The following GRM4 variants were observed in gnomAD, a reference collection of about 807,000 sequenced individuals.
GRM4 encodes the protein metabotropic glutamate receptor 4.
GRM4 carries 28 observed loss-of-function variants against 81.7 expected under a neutral mutation model. That is an observed-to-expected ratio of 0.34 (90% CI 0.25 to 0.47). The LOEUF (loss-of-function observed/expected upper bound fraction) is 0.47. Ranked by LOEUF, GRM4 falls within the 20% of genes least tolerant of loss-of-function variation. GRM4 has a pLI of 1.00. For missense variants in GRM4, 948 were observed against 1,290.0 expected, an observed-to-expected ratio of 0.73 and a Z score of 4.06; for synonymous variants, 488 against 528.8, an observed-to-expected ratio of 0.92 and a Z score of 1.06.
chr6:34,023,284 T>G (rs1381409861), intron 10 of GRM4, among the ~76,000 whole-genome samples: 10 of 152,224 alleles, frequency 6.6e-5, no homozygotes, highest in Non-Finnish European at 1.5e-4. Context: ...AAGAAACCTT[T>G]TTTTATGACA....
chr6:34,119,667 A>G (rs1396157439), intron 2 of GRM4, among the ~76,000 whole-genome samples: 6 of 152,202 alleles, frequency 3.9e-5, no homozygotes, highest in Non-Finnish European at 8.8e-5. Flanking sequence ...AGAGACTTCC[A>G]CCGCAGTTCT....
intron 3 of GRM4, among the ~76,000 whole-genome samples, chr6:34,075,992 G>A (rs1187804868): frequency 6.6e-6 from 1 of 152,208 alleles, no homozygotes; most frequent in African/African-American, 2.4e-5. Context: ...CCTGTGTTGG[G>A]GCAGAGAGAG....
chr6:34,046,843 G>C (rs1379573677), intron 6 of GRM4, among the ~76,000 whole-genome samples: 1 of 152,204 alleles, frequency 6.6e-6, no homozygotes, highest in Admixed American at 6.5e-5. Context: ...GAGGTGCCAG[G>C]CACACGAAGG....
chr6:34,020,744 C>T lies in GRM4; in HGVS notation c.*2077G>A, dbSNP rs984344723. 1 of 152,200 alleles carries T rather than the reference C, an allele frequency of 6.6e-6. No homozygotes were observed. Among genetic ancestry groups the T allele is most frequent in the Non-Finnish European group, 1.5e-5 (1 of 68,048 alleles). 9.4% of individuals were successfully genotyped at this position (152,200 alleles called of 1,614,324 possible). A position where few individuals can be genotyped will look rare whatever the true frequency, so the allele number is the denominator to read the frequency against. The stretch of plus-strand genomic sequence containing the variant: ...GCATCTACTAGGTGCTGCACACAGA[C>T]CCCAGGGAAGAAGAGATTTCCTATG... On this transcript the variant is annotated 3_prime_UTR_variant, in exon 11 of 11. Transcript: ENST00000538487.
chr6:34,044,022 C>CCACACACATACACACA (rs1186312738), intron 6 of GRM4, among the ~76,000 whole-genome samples: 5 of 151,824 alleles, frequency 3.3e-5, no homozygotes, highest in Admixed American at 3.3e-4. Context: ...AGGATGCCCA[C>CCACACACATACACACA]CACACACATA....
chr6:34,049,512 CA>C (rs1765510624), intron 6 of GRM4, among the ~76,000 whole-genome samples: 1 of 152,046 alleles, frequency 6.6e-6, no homozygotes, highest in East Asian at 1.9e-4. Flanking sequence ...TGTACTCTGC[CA>C]CCTCCCTAGT....
In GRM4 at chr6:34,092,029, C is replaced by T. The variant is rs1431545411; in HGVS notation, c.590G>A (p.Arg197His). ...SDNSRYDFFS[R>H]VVPSDTYQAQ... ...CTGGTACGTGTCCGAGGGCACCACG[C>T]GGGAGAAGAAGTCGTAGCGGCTGTT... is the stretch of plus-strand genomic sequence containing the variant. The change falls in exon 3 of 11, where the codon CGC (arginine) becomes CAC (histidine). Residue 197 changes from arginine to histidine, a missense_variant. Arg to His is a conservative substitution (Grantham distance 29, BLOSUM62 0). Coordinates refer to ENST00000538487, the MANE Select transcript of GRM4 (RefSeq NM_000841.4). The surrounding 1 kb of genome is among the most constrained non-coding windows in gnomAD (Gnocchi z 6.8). The T allele has an allele frequency of 6.8e-6, 11 of 1,614,000 alleles. No homozygotes were observed. Among genetic ancestry groups the T allele is most frequent in the Non-Finnish European group, 8.5e-7 (1 of 1,179,904 alleles).
At chr6:34,134,189 A>G (rs1476151240) in intron 1 of GRM4, among the ~76,000 whole-genome samples, 1 of 152,194 alleles carries the variant, frequency 6.6e-6, no homozygotes, top group Non-Finnish European at 1.5e-5. Context: ...ATCCACATGA[A>G]GGAGAGCAAG....
chr6:34,071,999 A>G (rs1319019294), intron 3 of GRM4, among the ~76,000 whole-genome samples: 1 of 152,252 alleles, frequency 6.6e-6, no homozygotes, highest in Non-Finnish European at 1.5e-5. Flanking sequence ...CACCACAAAA[A>G]TACACACCAC....
chr6:34,074,134 G>A lies in GRM4; in HGVS notation c.737-12106C>T, dbSNP rs996844119. 6.6e-6 allele frequency among the ~76,000 whole-genome samples: 1 copy of A among 151,908 alleles called. No individual in the cohort carries two copies. Among genetic ancestry groups the A allele is most frequent in the Non-Finnish European group, 1.5e-5 (1 of 67,944 alleles). Reference sequence around the variant, plus strand: ...GAGGTGCAGGGGCGCCGATGGGGAAGAAGAGGGGGACACAGACATACGACA... The same window carrying A: ...GAGGTGCAGGGGCGCCGATGGGGAAAAAGAGGGGGACACAGACATACGACA... On this transcript the variant is annotated intron_variant, in intron 3 of 10. Transcript: ENST00000538487. This position sits in a 1 kb window ranked among gnomAD's most constrained non-coding sequence, Gnocchi z 4.9.
rs557428651 is a variant in GRM4, at chr6:34,023,461, C to T, written c.2690-591G>A. On this transcript the variant is annotated intron_variant, in intron 10 of 10. Transcript: ENST00000538487. ...TAAATAATGAAAACCAGAGTGGGGC[C>T]GTGCATGGCTAGAAACTGAGGCATG... Among the ~76,000 whole-genome samples the T allele has an allele frequency of 2.0e-4, 30 of 152,178 alleles. No individual in the cohort carries two copies. The East Asian group carries it at 4.3e-3, about 22-fold the overall frequency.
rs1723821906 is a variant in GRM4, at chr6:34,130,352, C to G, written c.519+2626G>C. ...TCTCCACTCCCCAGGTCTCTACCTCCCGGTCCTGCCTTGCTCTCTGTGCAG... is the reference window on the plus strand; with the variant it reads ...TCTCCACTCCCCAGGTCTCTACCTCGCGGTCCTGCCTTGCTCTCTGTGCAG... On this transcript the variant is annotated intron_variant, in intron 2 of 10. Coordinates refer to ENST00000538487, the MANE Select transcript of GRM4 (RefSeq NM_000841.4). This position sits in a 1 kb window ranked among gnomAD's most constrained non-coding sequence, Gnocchi z 4.1. 6.6e-6 allele frequency among the ~76,000 whole-genome samples: 1 copy of G among 152,172 alleles called. No homozygotes were observed. Among genetic ancestry groups the G allele is most frequent in the African/African-American group, 2.4e-5 (1 of 41,430 alleles).
In GRM4 at chr6:34,069,748, A is replaced by G. The variant is rs74686305; in HGVS notation, c.737-7720T>C. The stretch of plus-strand genomic sequence containing the variant: ...TCCCTGATGCACCCAGTGAATTTGG[A>G]TTTACTGCAACATCCAGGACTGCCC... On this transcript the variant is annotated intron_variant, in intron 3 of 10. Coordinates refer to ENST00000538487, the MANE Select transcript of GRM4 (RefSeq NM_000841.4). The surrounding 1 kb of genome is among the most constrained non-coding windows in gnomAD (Gnocchi z 6.4). Among the ~76,000 whole-genome samples the G allele has an allele frequency of 0.076, 11,518 of 151,108 alleles. 894 individuals carry two copies. Among genetic ancestry groups the G allele is most frequent in the African/African-American group, 0.21 (8,507 of 41,104 alleles).
chr6:34,043,031 C>A (rs144287719), intron 6 of GRM4, among the ~76,000 whole-genome samples: 1 of 152,164 alleles, frequency 6.6e-6, no homozygotes, highest in Non-Finnish European at 1.5e-5. Context: ...ACTAGGGACA[C>A]CAGGACCACG....
At chr6:34,106,676 T>C (rs1184010140) in intron 2 of GRM4, among the ~76,000 whole-genome samples, 1 of 152,112 alleles carries the variant, frequency 6.6e-6, no homozygotes, top group Admixed American at 6.5e-5. Context: ...ACCACACCTT[T>C]CATTCACGCA....
chr6:34,059,407 C>CTTT lies in GRM4; in HGVS notation c.873-280_873-279insAAA. 2.1e-6 allele frequency: 1 copy of CTTT among 478,538 alleles called. No individual in the cohort carries two copies. Among genetic ancestry groups the CTTT allele is most frequent in the South Asian group, 2.3e-5 (1 of 43,096 alleles). 29.6% of individuals were successfully genotyped at this position (478,538 alleles called of 1,614,324 possible). A position where few individuals can be genotyped will look rare whatever the true frequency, so the allele number is the denominator to read the frequency against. The stretch of plus-strand genomic sequence containing the variant: ...TTCTCCAGGCCTACATCTGTCCCTG[C>CTTT]AAAGACCACACCTCTCCCCTCCAGA... On this transcript the variant is annotated intron_variant, in intron 4 of 10. Transcript: ENST00000538487. This position sits in a 1 kb window ranked among gnomAD's most constrained non-coding sequence, Gnocchi z 5.7.
intron 10 of GRM4, 113 bp downstream of exon 10, chr6:34,028,007 C>A (rs1764216193): frequency 2.4e-6 from 3 of 1,238,568 alleles, no homozygotes; most frequent in Admixed American, 2.5e-5. Flanking sequence ...GCCGCCTCCC[C>A]AGGATGGGGC....
upstream of GRM4, among the ~76,000 whole-genome samples, chr6:34,149,853 G>A (rs962987025): frequency 7.2e-5 from 11 of 152,164 alleles, no homozygotes. Flanking sequence ...GAAATGCTCT[G>A]AAAGCCACAA....
At chr6:34,149,291 A>T (rs1156500146), upstream of GRM4, among the ~76,000 whole-genome samples, 1 of 152,208 alleles carries the variant, frequency 6.6e-6, no homozygotes, top group East Asian at 1.9e-4. Context: ...TTCCGTGTTG[A>T]GCTGACCCAG....
Sources: gnomAD v4.1 joint callset for allele counts (sites outside exome capture counted in the v4.1 genomes callset) on GRCh38, gnomAD v4.1.1 for gene constraint, Gnocchi (gnomAD v3.1) non-coding constraint, MANE v1.5 for transcripts, NCBI Gene and HGNC (gene_info 2026-07-23, HGNC 2026-07-21) for gene names.